Variants in CEP97 observed in about 807,000 individuals in gnomAD.
CEP97 encodes centrosomal protein 97, also known as centrosomal protein of 97 kDa.
In CEP97, 43 loss-of-function variants were observed where a neutral mutation model predicts 73.1. That is an observed-to-expected ratio of 0.59 (90% CI 0.46 to 0.76). CEP97 has a LOEUF of 0.76. CEP97 is among the 30% of genes least tolerant of loss of function. The pLI is 0.00. For synonymous variants in CEP97, 337 were observed against 370.0 expected (o/e 0.91, Z 1.02); for missense variants, 939 against 1,014.0 (o/e 0.93, Z 1.00).
intron 1 of CEP97, 57 bp downstream of exon 1, chr3:101,724,776 G>A (rs1012988556): frequency 6.4e-7 from 1 of 1,558,544 alleles, no homozygotes; most frequent in East Asian, 2.2e-5. Flanking sequence ...GAATTAAATA[G>A]TGGAGAGCAG....
intron 6 of CEP97, among the ~76,000 whole-genome samples, chr3:101,751,220 G>A (rs1478189608): frequency 6.6e-6 from 1 of 152,186 alleles, no homozygotes; most frequent in Non-Finnish European, 1.5e-5. Context: ...TAGTTGAGCG[G>A]TTTTGAGTGA....
In CEP97 at chr3:101,765,697, A is replaced by T. The variant is rs1939300955; in HGVS notation, c.*146A>T. The T allele has an allele frequency of 1.6e-6, 1 of 635,802 alleles. No homozygotes were observed. The highest frequency in any genetic ancestry group is 2.6e-6 in the Non-Finnish European group (1 of 377,812). 39.4% of individuals were successfully genotyped at this position (635,802 alleles called of 1,614,324 possible). A position where few individuals can be genotyped will look rare whatever the true frequency, so the allele number is the denominator to read the frequency against. On this transcript the variant is annotated 3_prime_UTR_variant, in exon 11 of 11. Transcript: ENST00000341893. ...TGTATTCATGTCTTATATTTTTCAGATTCTAGATATTGAGCTGAGTTTTCA... is the reference window on the plus strand; with the variant it reads ...TGTATTCATGTCTTATATTTTTCAGTTTCTAGATATTGAGCTGAGTTTTCA...
chr3:101,753,873 C>T (rs1336030573), intron 6 of CEP97, among the ~76,000 whole-genome samples: 2 of 152,144 alleles, frequency 1.3e-5, no homozygotes, highest in African/African-American at 2.4e-5. Flanking sequence ...GGCAATGCCT[C>T]GCCCTGCTTC....
At chr3:101,762,659 G>A in intron 10 of CEP97, 99 bp downstream of exon 10, 1 of 850,168 alleles carries the variant, frequency 1.2e-6, no homozygotes, top group East Asian at 2.8e-5. Context: ...AAGCACTCTT[G>A]TTCAAGGTTA....
rs774363921 is a variant in CEP97, at chr3:101,727,420, G to T, written c.224G>T (p.Gly75Val). Residue 75 changes from glycine to valine, a missense_variant, in exon 3 of 11, where the codon GGT becomes GTT. Transcript: ENST00000341893. The part of the protein sequence containing the change: ...VANNRLVRMM[G>V]VAKLTLLRVL... ...AATAATCGGCTGGTTCGGATGATGG[G>T]TGTGGCCAAGCTGACGTTGCTTCGT... is the stretch of plus-strand genomic sequence containing the variant. 4 of 1,613,828 alleles carry T rather than the reference G, an allele frequency of 2.5e-6. No individual in the cohort carries two copies. In the Admixed American group the frequency reaches 6.7e-5, roughly 27 times the overall value.
chr3:101,739,686 T>A (rs928717013), intron 6 of CEP97, among the ~76,000 whole-genome samples: 1 of 152,010 alleles, frequency 6.6e-6, no homozygotes, highest in Non-Finnish European at 1.5e-5. Flanking sequence ...GGTGGGTGGA[T>A]CATGAGGTCA....
At chr3:101,724,983 C>G (rs549591031) in intron 1 of CEP97, among the ~76,000 whole-genome samples, 5 of 152,200 alleles carry the variant, frequency 3.3e-5, no homozygotes, top group Admixed American at 6.5e-5. Flanking sequence ...CCCGCGCTCC[C>G]GATGCTGAGG....
At chr3:101,739,229 T>C (rs1938371006) in intron 6 of CEP97, among the ~76,000 whole-genome samples, 1 of 152,188 alleles carries the variant, frequency 6.6e-6, no homozygotes, top group African/African-American at 2.4e-5. Context: ...ACAGCTGAAT[T>C]CTGCCAGAGG....
intron 9 of CEP97, among the ~76,000 whole-genome samples, chr3:101,759,845 G>A (rs1370369886): frequency 6.6e-6 from 1 of 152,072 alleles, no homozygotes; most frequent in Non-Finnish European, 1.5e-5. Context: ...TTTGAAGGAT[G>A]AGTGTAGCCA....
In CEP97 at chr3:101,765,495, C is replaced by T. The variant is rs1939294080; in HGVS notation, c.2542C>T (p.Gln848Ter). Reference sequence around the variant, plus strand: ...TAAATTAAATGCAGAAGTTCAGGGGCAGCAGCCAGAATGTGATTCTACATT... The same window carrying T: ...TAAATTAAATGCAGAAGTTCAGGGGTAGCAGCCAGAATGTGATTCTACATT... The part of the protein sequence containing the change: ...NSKLNAEVQG[Q>*]QPECDSTFQL... Residue 848 changes from glutamine to a stop codon, truncating the protein, a stop_gained, in exon 11 of 11, where the codon CAG (glutamine) becomes TAG (stop). Transcript: ENST00000341893. LOFTEE classifies it high-confidence loss of function. The T allele has an allele frequency of 1.2e-6, 2 of 1,614,008 alleles. No homozygotes were observed. The highest frequency in any genetic ancestry group is 1.7e-6 in the Non-Finnish European group (2 of 1,179,916).
intron 10 of CEP97, chr3:101,763,142 T>A: frequency 8.1e-7 from 1 of 1,235,258 alleles, no homozygotes; most frequent in Non-Finnish European, 1.1e-6. Flanking sequence ...CAGGCCGGTC[T>A]CAAACTTCTG....
Position 101,755,557 on chromosome 3 carries a change from G to C in CEP97, c.856G>C (p.Glu286Gln). Residue 286 changes from glutamate (E) to glutamine (Q), a missense_variant, in exon 7 of 11, where the codon GAG (glutamate) becomes CAG (glutamine). Coordinates refer to ENST00000341893, the MANE Select transcript of CEP97 (RefSeq NM_024548.4). ...LTSTLGLQTA[E>Q]DAKLEKILSK... ...TTCTACACTAGGTCTTCAAACTGCA[G>C]AGGATGCCAAACTAGAGAAGATTTT... The C allele has an allele frequency of 6.2e-7, 1 of 1,614,188 alleles. No individual in the cohort carries two copies. The highest frequency in any genetic ancestry group is 8.5e-7 in the Non-Finnish European group (1 of 1,180,040).
At chr3:101,746,525 A>G (rs1285448833) in intron 6 of CEP97, among the ~76,000 whole-genome samples, 2 of 150,652 alleles carry the variant, frequency 1.3e-5, no homozygotes. Context: ...ACAAAAATCA[A>G]TTCAAGATGG....
intron 4 of CEP97, among the ~76,000 whole-genome samples, chr3:101,730,232 T>TTTGC (rs1938060518): frequency 3.4e-5 from 1 of 29,636 alleles, no homozygotes; most frequent in Admixed American, 2.4e-4. Flanking sequence ...GAGTCTGTTT[T>TTTGC]TTTGTTTTGT....
chr3:101,763,591 G>A lies in CEP97; in HGVS notation c.1893+1031G>A, dbSNP rs188378786. On this transcript the variant is annotated intron_variant, in intron 10 of 10. Coordinates refer to ENST00000341893, the MANE Select transcript of CEP97 (RefSeq NM_024548.4). The stretch of plus-strand genomic sequence containing the variant: ...GTTGCTGTCAGTAATTACCTTGGGC[G>A]GGGGGTCAAAGGGAAACTAAAAACT... Among the ~76,000 whole-genome samples the A allele has an allele frequency of 2.0e-5, 3 of 152,224 alleles. No homozygotes were observed. The East Asian group carries it at 5.8e-4, about 29-fold the overall frequency.
At chr3:101,749,519 T>A (rs13064223) in intron 6 of CEP97, among the ~76,000 whole-genome samples, 62,535 of 104,828 alleles carry the variant, frequency 0.6, 19,039 homozygotes, top group Non-Finnish European at 0.66. Context: ...CAGTAATGGG[T>A]TGGCTGGGTC....
intron 6 of CEP97, among the ~76,000 whole-genome samples, chr3:101,754,382 G>A (rs1053006679): frequency 5.9e-5 from 9 of 152,040 alleles, no homozygotes; most frequent in Admixed American, 4.6e-4. Context: ...CAGATATTCA[G>A]TCTTATATTT....
intron 6 of CEP97, among the ~76,000 whole-genome samples, chr3:101,733,011 T>G (rs960217092): frequency 6.6e-6 from 1 of 151,462 alleles, no homozygotes; most frequent in Non-Finnish European, 1.5e-5. Context: ...TAGTCCTAGC[T>G]ACTTAGGAAG....
At position 101,769,971 on chromosome 3, in the gene CEP97, T is replaced by C. The variant is rs1272340226; in HGVS notation, c.*4420T>C. ...AAATCACACTGAATTTTAATTCTTATTTATTTTAGTGGATAGCAGGAATCA... is the reference window on the plus strand; with the variant it reads ...AAATCACACTGAATTTTAATTCTTACTTATTTTAGTGGATAGCAGGAATCA... On this transcript the variant is annotated 3_prime_UTR_variant, in exon 11 of 11. Coordinates refer to ENST00000341893, the MANE Select transcript of CEP97 (RefSeq NM_024548.4). The C allele has an allele frequency of 6.6e-6, 1 of 152,240 alleles. No individual in the cohort carries two copies. Among genetic ancestry groups the C allele is most frequent in the Non-Finnish European group, 1.5e-5 (1 of 68,046 alleles). 9.4% of individuals were successfully genotyped at this position (152,240 alleles called of 1,614,324 possible). A position where few individuals can be genotyped will look rare whatever the true frequency, so the allele number is the denominator to read the frequency against.
Sources: gnomAD v4.1 joint callset for allele counts (sites outside exome capture counted in the v4.1 genomes callset) on GRCh38, gnomAD v4.1.1 for gene constraint, MANE v1.5 for transcripts, NCBI Gene and HGNC (gene_info 2026-07-23, HGNC 2026-07-21) for gene names.